SIGMAR1: variants seen among roughly 807,000 people sequenced by gnomAD.
SIGMAR1 encodes SR31747 binding protein 1.
SIGMAR1 carries 18 observed loss-of-function variants against 25.4 expected under a neutral mutation model. The ratio of observed to expected loss-of-function variants is 0.71; its 90% CI spans 0.49 to 1.05. The LOEUF (loss-of-function observed/expected upper bound fraction) is 1.05. SIGMAR1 is among the 50% of genes least tolerant of loss of function. The pLI, the probability that SIGMAR1 is intolerant of heterozygous loss-of-function variation, is 0.00. For missense variants in SIGMAR1, 249 were observed against 301.6 expected (o/e 0.83, Z 1.29); for synonymous variants, 125 against 131.6 (o/e 0.95, Z 0.34).
At position 34,637,362 on chromosome 9, in the gene SIGMAR1, T is replaced by C. The variant is rs752518439; in HGVS notation, c.210A>G (p.Pro70=). Residue 70 remains proline (P), a synonymous_variant, in exon 2 of 4, where the codon CCA becomes CCG. Transcript: ENST00000277010. The stretch of plus-strand genomic sequence containing the variant: ...GCTCCTCGTCGGGCAGCACGTGGCC[T>C]GGGTGCAGCCGCCGCAGCTCCACGA... ...RLIVELRRLH[P]GHVLPDEELQ... is the part of the protein sequence containing the mutation. 3.1e-6 allele frequency: 5 copies of C among 1,605,606 alleles called. No individual in the cohort carries two copies. The African/African-American group carries it at 6.7e-5, about 21-fold the overall frequency.
Position 34,637,371 on chromosome 9 carries a change from C to T in SIGMAR1, c.201G>A (p.Arg67=). 2 of 1,605,952 alleles carry T rather than the reference C, an allele frequency of 1.2e-6. No individual in the cohort carries two copies. Among genetic ancestry groups the T allele is most frequent in the Non-Finnish European group, 1.7e-6 (2 of 1,179,528 alleles). The change falls in exon 2 of 4, where the codon CGG becomes CGA. Residue 67 remains arginine (R), a synonymous_variant. Coordinates refer to ENST00000277010, the MANE Select transcript of SIGMAR1 (RefSeq NM_005866.4). Reference sequence around the variant, plus strand: ...CGGGCAGCACGTGGCCTGGGTGCAGCCGCCGCAGCTCCACGATCAGACGAG... The same window carrying T: ...CGGGCAGCACGTGGCCTGGGTGCAGTCGCCGCAGCTCCACGATCAGACGAG... ...AFSRLIVELR[R]LHPGHVLPDE... is the part of the protein sequence containing the mutation.
rs1473227415 is a variant in SIGMAR1 at position 34,635,403 on chromosome 9, G to C, written c.*229C>G. ...GGGGGCTCCCTCTCCAGATGGGTGT[G>C]AGTGCATGGTCCTACTGTACACACA... On this transcript the variant is annotated 3_prime_UTR_variant, in exon 4 of 4. Coordinates refer to ENST00000277010, the MANE Select transcript of SIGMAR1 (RefSeq NM_005866.4). The surrounding 1 kb of genome is among the most constrained non-coding windows in gnomAD (Gnocchi z 4.5). The C allele has an allele frequency of 9.6e-6, 6 of 623,744 alleles. No individual in the cohort carries two copies. In the Admixed American group the frequency reaches 1.1e-4, roughly 11 times the overall value. The allele number at this position is 623,744 out of a possible 1,614,324, so 38.6% of individuals were successfully genotyped here. A position where few individuals can be genotyped will look rare whatever the true frequency, so the allele number is the denominator to read the frequency against.
At position 34,637,293 on chromosome 9, in the gene SIGMAR1, C is replaced by T. The variant is rs1820909011; in HGVS notation, c.279G>A (p.Met93Ile). The change falls in exon 2 of 4, where the codon ATG becomes ATA. Residue 93 changes from methionine (M) to isoleucine (I), a missense_variant. Met to Ile is a conservative substitution (Grantham distance 10). Coordinates refer to ENST00000277010, the MANE Select transcript of SIGMAR1 (RefSeq NM_005866.4). ...CGGACAGCGAGGCGTGCAGAAGGCA[C>T]ATGGCGCCCATCCAGCCACCCGCAT... ...FVNAGGWMGAMCLLHASLSEY... is the reference protein window; with the variant it reads ...FVNAGGWMGAICLLHASLSEY... 2 of 1,589,066 alleles carry T rather than the reference C, an allele frequency of 1.3e-6. No individual in the cohort carries two copies. The highest frequency in any genetic ancestry group is 1.7e-6 in the Non-Finnish European group (2 of 1,171,590).
At chr9:34,636,577 G>C (rs1376699324) in intron 3 of SIGMAR1, among the ~76,000 whole-genome samples, 1 of 152,228 alleles carries the variant, frequency 6.6e-6, no homozygotes, top group African/African-American at 2.4e-5. Context: ...GGAGCTTGCA[G>C]TGAGCCGAGA....
In SIGMAR1 at chr9:34,637,568, G is replaced by A. The variant is rs748543130; in HGVS notation, c.130C>T (p.Gln44Ter). The change falls in exon 1 of 4, where the codon CAG becomes TAG. Residue 44 changes from glutamine (Q) to a stop codon, truncating the protein, a stop_gained. Transcript: ENST00000277010. LOFTEE classifies it high-confidence loss of function. ...SFVFQREEIA[Q>*]LARQYAGLDH... is the part of the protein sequence containing the mutation. ...TCACCAGCGTACTGCCGCGCCAACT[G>A]CGCTATCTCTTCGCGCTGGAAGACG... 3 of 1,581,312 alleles carry A rather than the reference G, an allele frequency of 1.9e-6. No individual in the cohort carries two copies. The highest frequency in any genetic ancestry group is 2.6e-6 in the Non-Finnish European group (3 of 1,168,008).
intron 3 of SIGMAR1, among the ~76,000 whole-genome samples, chr9:34,636,560 G>A (rs912879458): frequency 3.3e-5 from 5 of 152,182 alleles, no homozygotes; most frequent in Non-Finnish European, 7.4e-5. Context: ...GCGTGAACCC[G>A]GGAAGCGGAG....
chr9:34,636,719 C>T (rs1219375470), intron 3 of SIGMAR1: 4 of 544,400 alleles, frequency 7.3e-6, no homozygotes, highest in Non-Finnish European at 1.0e-5. Flanking sequence ...GTCTCCCCAA[C>T]AGTTGTTGGA....
Position 34,637,067 on chromosome 9 carries a change from C to T in SIGMAR1, c.375G>A (p.Ser125=). Residue 125 remains serine (S), a synonymous_variant, in exon 3 of 4, where the codon TCG becomes TCA. Coordinates refer to ENST00000277010, the MANE Select transcript of SIGMAR1 (RefSeq NM_005866.4). The part of the protein sequence containing the change: ...GHSGRYWAEI[S]DTIISGTFHQ... ...GGAAGGTGCCAGAGATGATGGTATC[C>T]GAGATCTCAGCCCAGTAGCGCCCTG... 1 of 1,614,116 alleles carries T rather than the reference C, an allele frequency of 6.2e-7. No individual in the cohort carries two copies. The highest frequency in any genetic ancestry group is 1.1e-5 in the South Asian group (1 of 91,076).
chr9:34,637,736 G>A lies in SIGMAR1; in HGVS notation c.-39C>T. On this transcript the variant is annotated 5_prime_UTR_variant, in exon 1 of 4. Coordinates refer to ENST00000277010, the MANE Select transcript of SIGMAR1 (RefSeq NM_005866.4). ...CTGGCACGGCGCAGCTCAGGAGGGA[G>A]CCGGGGCCTGAGGCTTTGCGCTCAC... is the stretch of plus-strand genomic sequence containing the variant. 1.4e-6 allele frequency: 2 copies of A among 1,408,346 alleles called. No homozygotes were observed. The highest frequency in any genetic ancestry group is 2.7e-5 in the East Asian group (1 of 37,486). 87.2% of individuals were successfully genotyped at this position (1,408,346 alleles called of 1,614,324 possible).
chr9:34,636,957 G>T (rs377254754), intron 3 of SIGMAR1, 40 bp downstream of exon 3: 2 of 1,550,632 alleles, frequency 1.3e-6, no homozygotes, highest in South Asian at 1.1e-5. Flanking sequence ...CACCCCCCGC[G>T]TGAAGGGACC....
chr9:34,637,707 C>T lies in SIGMAR1; in HGVS notation c.-10G>A, dbSNP rs1215996724. ...CCACGGCCCACTGCATCCCGGCGGG[C>T]GGCCTGGCACGGCGCAGCTCAGGAG... On this transcript the variant is annotated 5_prime_UTR_variant, in exon 1 of 4. Transcript: ENST00000277010. The T allele has an allele frequency of 6.6e-7, 1 of 1,509,536 alleles. No individual in the cohort carries two copies. Among genetic ancestry groups the T allele is most frequent in the South Asian group, 1.2e-5 (1 of 81,016 alleles). The allele number at this position is 1,509,536 out of a possible 1,614,324, so 93.5% of individuals were successfully genotyped here.
At position 34,637,038 on chromosome 9, in the gene SIGMAR1, T is replaced by C; in HGVS notation, c.404A>G (p.Gln135Arg). The change falls in exon 3 of 4, where the codon CAG becomes CGG. Residue 135 changes from glutamine (Q) to arginine (R), a missense_variant. Transcript: ENST00000277010. The part of the protein sequence containing the change: ...SDTIISGTFH[Q>R]WREGTTKSEV... ...ACTTTTGGTGGTGCCCTCTCTCCAC[T>C]GGTGGAAGGTGCCAGAGATGATGGT... 1 of 1,614,168 alleles carries C rather than the reference T, an allele frequency of 6.2e-7. No individual in the cohort carries two copies. The highest frequency in any genetic ancestry group is 1.1e-5 in the South Asian group (1 of 91,080).
chr9:34,636,985 C>A lies in SIGMAR1; in HGVS notation c.445+12G>T. The A allele has an allele frequency of 6.2e-7, 1 of 1,611,102 alleles. No individual in the cohort carries two copies. Among genetic ancestry groups the A allele is most frequent in the Non-Finnish European group, 8.5e-7 (1 of 1,177,448 alleles). On this transcript the variant is annotated intron_variant, in intron 3 of 3. Transcript: ENST00000277010. ...AAGGGACCCACTTCTCTGACAGAGC[C>A]TTCTTACCCACCTGGGTAGAAGACC...
chr9:34,635,619 C>T lies in SIGMAR1; in HGVS notation c.*13G>A. 6.2e-7 allele frequency: 1 copy of T among 1,614,074 alleles called. No individual in the cohort carries two copies. Among genetic ancestry groups the T allele is most frequent in the Non-Finnish European group, 8.5e-7 (1 of 1,179,932 alleles). ...TCCTGTCTATCCGCAGGTCTTCCTT[C>T]AGGCCTGGCTGGTCAAGGGTCCTGG... On this transcript the variant is annotated 3_prime_UTR_variant, in exon 4 of 4. Coordinates refer to ENST00000277010, the MANE Select transcript of SIGMAR1 (RefSeq NM_005866.4). The surrounding 1 kb of genome is among the most constrained non-coding windows in gnomAD (Gnocchi z 4.5).
In SIGMAR1 at chr9:34,635,680, C is replaced by T. The variant is rs1202895525; in HGVS notation, c.624G>A (p.Arg208=). The T allele has an allele frequency of 6.2e-7, 1 of 1,614,086 alleles. No individual in the cohort carries two copies. Among genetic ancestry groups the T allele is most frequent in the African/African-American group, 1.3e-5 (1 of 74,924 alleles). The part of the protein sequence containing the change: ...TLFYTLRSYA[R]GLRLELTTYL... ...AGGTGGTGAGCTCAAGCCGGAGGCC[C>T]CGAGCATAGGAGCGAAGAGTATAGA... Residue 208 remains arginine (R), a synonymous_variant, in exon 4 of 4, where the codon CGG becomes CGA. Transcript: ENST00000277010. This position sits in a 1 kb window ranked among gnomAD's most constrained non-coding sequence, Gnocchi z 4.5.
intron 3 of SIGMAR1, 48 bp downstream of exon 3, chr9:34,636,949 C>T: frequency 6.8e-7 from 1 of 1,478,752 alleles, no homozygotes. Flanking sequence ...ATTGTGGGCA[C>T]CCCCCGCGTG....
rs1048794547 is a variant in SIGMAR1, at chr9:34,637,598, T to G, written c.100A>C (p.Ser34Arg). 3 of 1,562,546 alleles carry G rather than the reference T, an allele frequency of 1.9e-6. No homozygotes were observed. In the African/African-American group the frequency reaches 4.1e-5, roughly 21 times the overall value. ...ATCTCTTCGCGCTGGAAGACGAAGC[T>G]CTGCGTACCCAGCCAGAGCCAGACG... The part of the protein sequence containing the change: ...QVVWLWLGTQ[S>R]FVFQREEIAQ... The change falls in exon 1 of 4, where the codon AGC (serine) becomes CGC (arginine). Residue 34 changes from serine to arginine, a missense_variant. Coordinates refer to ENST00000277010, the MANE Select transcript of SIGMAR1 (RefSeq NM_005866.4).
Position 34,637,683 on chromosome 9 carries a change from C to T in SIGMAR1, c.15G>A (p.Val5=), listed in dbSNP as rs1032917618. The T allele has an allele frequency of 7.8e-6, 12 of 1,531,200 alleles. 1 individual carries two copies. The highest frequency in any genetic ancestry group is 2.0e-5 in the Admixed American group (1 of 50,492). The allele number at this position is 1,531,200 out of a possible 1,614,324, so 94.9% of individuals were successfully genotyped here. A position where few individuals can be genotyped will look rare whatever the true frequency, so the allele number is the denominator to read the frequency against. Residue 5 remains valine, a synonymous_variant, in exon 1 of 4, where the codon GTG becomes GTA. Transcript: ENST00000277010. The part of the protein sequence containing the change: MQWA[V]GRRWAWAALL... ...GCGCGGCCCACGCCCACCGCCGGCC[C>T]ACGGCCCACTGCATCCCGGCGGGCG...
At chr9:34,636,477 C>A (rs190476469) in intron 3 of SIGMAR1, among the ~76,000 whole-genome samples, 2,177 of 151,632 alleles carry the variant, frequency 0.014, 20 homozygotes, top group Non-Finnish European at 0.021. Flanking sequence ...ACTAAAAATA[C>A]AAAAAAAATT....
Sources: allele counts gnomAD v4.1 joint callset (sites outside exome capture counted in the v4.1 genomes callset), GRCh38; gene constraint gnomAD v4.1.1; non-coding constraint Gnocchi (gnomAD v3.1); transcripts MANE v1.5; gene names NCBI Gene and HGNC (gene_info 2026-07-23, HGNC 2026-07-21).